Variants in EVC2 observed in about 807,000 individuals in gnomAD.
EVC2 encodes EvC ciliary complex subunit 2, also known as limbin.
In EVC2, 148 loss-of-function variants were observed where a neutral mutation model predicts 149.3. The observed-to-expected ratio is 0.99, with a 90% CI of 0.87 to 1.14. The LOEUF (loss-of-function observed/expected upper bound fraction) is 1.14. Among genes scored for constraint, EVC2 ranks in the 50% most tolerant of loss-of-function variants. EVC2 has a pLI of 0.00. For missense variants in EVC2, 1,854 were observed against 1,627.3 expected (o/e 1.14, Z -2.40); for synonymous variants, 776 against 649.9 (o/e 1.19, Z -2.95).
the EVC2 span, among the ~76,000 whole-genome samples, chr4:5,530,140 T>A: frequency 6.6e-6 from 1 of 152,176 alleles, no homozygotes; most frequent in African/African-American, 2.4e-5. Flanking sequence ...GGTCCATCAG[T>A]CGACATTAAC....
At chr4:5,689,368 G>C (rs368557949) in intron 4 of EVC2, 25 bp from the exon 5 acceptor site, 3 of 1,613,000 alleles carry the variant, frequency 1.9e-6, no homozygotes, top group Admixed American at 1.7e-5. Flanking sequence ...GAAGGCATGA[G>C]GGCAGATTTG....
At chr4:5,701,476 G>C (rs936881632) in intron 1 of EVC2, among the ~76,000 whole-genome samples, 1 of 152,082 alleles carries the variant, frequency 6.6e-6, no homozygotes, top group Admixed American at 6.5e-5. Flanking sequence ...TGACCTTCGG[G>C]TCACATTCCT....
rs1721499411 is a variant in EVC2 at position 5,696,708 on chromosome 4, G to A, written c.283+885C>T. 6.6e-6 allele frequency among the ~76,000 whole-genome samples: 1 copy of A among 152,184 alleles called. No individual in the cohort carries two copies. Among genetic ancestry groups the A allele is most frequent in the Non-Finnish European group, 1.5e-5 (1 of 68,036 alleles). On this transcript the variant is annotated intron_variant, in intron 2 of 21. Coordinates refer to ENST00000344408, the MANE Select transcript of EVC2 (RefSeq NM_147127.5). The surrounding 1 kb of genome is among the most constrained non-coding windows in gnomAD (Gnocchi z 4.1). The stretch of plus-strand genomic sequence containing the variant: ...GCCGTAGGAGCATTGAGAACCTTGT[G>A]CTCCTGGGTCCAGCAGTGCCAGGGC...
At chr4:5,690,216 C>G (rs895494819) in intron 4 of EVC2, among the ~76,000 whole-genome samples, 3 of 152,096 alleles carry the variant, frequency 2.0e-5, no homozygotes, top group African/African-American at 7.2e-5. Flanking sequence ...CTGATTGCAT[C>G]CAGGAAGGCA....
intron 1 of EVC2, among the ~76,000 whole-genome samples, chr4:5,703,025 T>C (rs187226430): frequency 3.2e-4 from 48 of 152,362 alleles, no homozygotes; most frequent in African/African-American, 1.2e-3. Context: ...CATATTACTA[T>C]GTATTGCCAT....
intron 21 of EVC2, among the ~76,000 whole-genome samples, chr4:5,550,362 C>A (rs370735934): frequency 6.6e-6 from 1 of 152,100 alleles, no homozygotes; most frequent in Non-Finnish European, 1.5e-5. Flanking sequence ...AGATGAGGAA[C>A]CTGTTGGGAA....
chr4:5,636,831 G>A lies in EVC2; in HGVS notation c.1470+3683C>T. Among the ~76,000 whole-genome samples, 1 of 152,154 alleles carries A rather than the reference G, an allele frequency of 6.6e-6. No homozygotes were observed. Among genetic ancestry groups the A allele is most frequent in the East Asian group, 1.9e-4 (1 of 5,196 alleles). ...ATTTTTATGTATTTTATTTAAAGAT[G>A]ACTATAACACATGATGGATAATTAT... On this transcript the variant is annotated intron_variant, in intron 10 of 21. Transcript: ENST00000344408. This position sits in a 1 kb window ranked among gnomAD's most constrained non-coding sequence, Gnocchi z 4.6.
At chr4:5,707,360 G>C (rs1722275297) in intron 1 of EVC2, among the ~76,000 whole-genome samples, 1 of 152,126 alleles carries the variant, frequency 6.6e-6, no homozygotes, top group Non-Finnish European at 1.5e-5. Context: ...AGAGAACACA[G>C]CAGGACACGA....
intron 16 of EVC2, among the ~76,000 whole-genome samples, chr4:5,594,508 G>C (rs1435893860): frequency 3.3e-5 from 5 of 152,192 alleles, no homozygotes; most frequent in Non-Finnish European, 1.5e-5. Context: ...CTGCAGCTGA[G>C]GGTCTTGTCT....
Position 5,622,679 on chromosome 4 carries a change from G to A in EVC2, c.2359C>T (p.Arg787Trp), listed in dbSNP as rs776830520. 1.2e-4 allele frequency: 201 copies of A among 1,613,932 alleles called. No homozygotes were observed. The highest frequency in any genetic ancestry group is 1.6e-4 in the Middle Eastern group (1 of 6,082). The part of the protein sequence containing the change: ...LEEHGKEMAA[R>W]AEQLEGEERD... Reference sequence around the variant, plus strand: ...TCCTCCCCCTCCAGCTGCTCGGCCCGTGCAGCCATCTCCTTGCCGTGCTCC... The same window carrying A: ...TCCTCCCCCTCCAGCTGCTCGGCCCATGCAGCCATCTCCTTGCCGTGCTCC... Residue 787 changes from arginine to tryptophan, a missense_variant, in exon 14 of 22, where the codon CGG becomes TGG. Arg to Trp is a moderately radical substitution (Grantham distance 101, BLOSUM62 -3). Transcript: ENST00000344408. This position sits in a 1 kb window ranked among gnomAD's most constrained non-coding sequence, Gnocchi z 5.8.
At position 5,556,052 on chromosome 4, in the gene EVC2, A is replaced by G. The variant is rs1721832182; in HGVS notation, c.3419+9206T>C. Reference sequence around the variant, plus strand: ...AAATTAGCCGGGCATGGTGGCAGGCATCTGTAATACCAGCTGCTTGGGAGG... The same window carrying G: ...AAATTAGCCGGGCATGGTGGCAGGCGTCTGTAATACCAGCTGCTTGGGAGG... On this transcript the variant is annotated intron_variant and NMD_transcript_variant, in intron 21 of 22. Transcript: ENST00000475313. Among the ~76,000 whole-genome samples, 15 of 151,994 alleles carry G rather than the reference A, an allele frequency of 9.9e-5. 1 individual carries two copies. In the South Asian group the frequency reaches 2.9e-3, roughly 30 times the overall value.
In EVC2 at chr4:5,620,198, T is replaced by C. The variant is rs374749699; in HGVS notation, c.2502-1516A>G. 5.3e-4 allele frequency among the ~76,000 whole-genome samples: 80 copies of C among 152,286 alleles called. 1 individual carries two copies. The highest frequency in any genetic ancestry group is 1.8e-3 in the African/African-American group (75 of 41,568). On this transcript the variant is annotated intron_variant, in intron 14 of 21. Transcript: ENST00000344408. ...CCTTTGGAAACTGCAGCAGCCCCCT[T>C]GCACCTTCCCTTGTGCAAGGCCTTT...
chr4:5,706,336 AG>A (rs1722140197), intron 1 of EVC2, among the ~76,000 whole-genome samples: 2 of 143,456 alleles, frequency 1.4e-5, no homozygotes, highest in Non-Finnish European at 3.0e-5. Context: ...ATAGATAGAT[AG>A]ATACATAGAT....
In EVC2 at chr4:5,569,708, G is replaced by C. The variant is rs917470598; in HGVS notation, c.3361-1068C>G. Among the ~76,000 whole-genome samples, 1 of 152,060 alleles carries C rather than the reference G, an allele frequency of 6.6e-6. No individual in the cohort carries two copies. The highest frequency in any genetic ancestry group is 2.4e-5 in the African/African-American group (1 of 41,394). On this transcript the variant is annotated intron_variant, in intron 19 of 21. Coordinates refer to ENST00000344408, the MANE Select transcript of EVC2 (RefSeq NM_147127.5). This position sits in a 1 kb window ranked among gnomAD's most constrained non-coding sequence, Gnocchi z 4.8. Reference sequence around the variant, plus strand: ...AGCCAAGGAGAGAACGTGTTCAGAAGGGTGGGCTGGGGGTTCAGAGACCAC... The same window carrying C: ...AGCCAAGGAGAGAACGTGTTCAGAACGGTGGGCTGGGGGTTCAGAGACCAC...
chr4:5,582,664 T>C (rs1032819105), intron 17 of EVC2, among the ~76,000 whole-genome samples: 2 of 152,180 alleles, frequency 1.3e-5, no homozygotes, highest in African/African-American at 4.8e-5. Context: ...CATGATTATA[T>C]TTTGAAATGT....
chr4:5,708,332 C>G lies in EVC2; in HGVS notation c.182G>C (p.Arg61Thr). The part of the protein sequence containing the change: ...QVAPRSGPGL[R>T]IPPGRSGAGP... ...CGCCCCGCTCCGCCCCGGAGGGATC[C>G]TCAGGCCGGGCCCAGACCTAGGAGC... The change falls in exon 1 of 22, where the codon AGG becomes ACG. Residue 61 changes from arginine to threonine, a missense_variant. Transcript: ENST00000344408. 1 of 1,472,006 alleles carries G rather than the reference C, an allele frequency of 6.8e-7. No homozygotes were observed. Among genetic ancestry groups the G allele is most frequent in the Non-Finnish European group, 8.9e-7 (1 of 1,117,632 alleles). The allele number at this position is 1,472,006 out of a possible 1,614,324, so 91.2% of individuals were successfully genotyped here. A position where few individuals can be genotyped will look rare whatever the true frequency, so the allele number is the denominator to read the frequency against.
At chr4:5,587,890 GC>G (rs1560142949) in intron 16 of EVC2, among the ~76,000 whole-genome samples, 2 of 152,096 alleles carry the variant, frequency 1.3e-5, no homozygotes, top group Non-Finnish European at 2.9e-5. Flanking sequence ...TAACTACCAG[GC>G]CCAGGGTGTG....
At chr4:5,627,399 G>A (rs1716190446) in intron 12 of EVC2, among the ~76,000 whole-genome samples, 1 of 152,196 alleles carries the variant, frequency 6.6e-6, no homozygotes, top group African/African-American at 2.4e-5. Context: ...TTAAAATCAG[G>A]AATGCGAAGT....
chr4:5,567,785 TTAGCATGAGGAGCCAGTAAAAA>T lies in EVC2; in HGVS notation c.3557+637_3557+658del, dbSNP rs545538339. ...AGTTACATGCTCTATGCTACACCCC[TTAGCATGAGGAGCCAGTAAAAA>T]TAATATCCACCTGTGCCACGTGTCA... is the stretch of plus-strand genomic sequence containing the variant. On this transcript the variant is annotated intron_variant, in intron 20 of 21. Transcript: ENST00000344408. The surrounding 1 kb of genome is among the most constrained non-coding windows in gnomAD (Gnocchi z 4.4). 1.5e-3 allele frequency among the ~76,000 whole-genome samples: 235 copies of T among 152,258 alleles called. No individual in the cohort carries two copies. Among genetic ancestry groups the T allele is most frequent in the African/African-American group, 5.6e-3 (233 of 41,526 alleles).
Sources: allele counts gnomAD v4.1 joint callset (sites outside exome capture counted in the v4.1 genomes callset), GRCh38; gene constraint gnomAD v4.1.1; non-coding constraint Gnocchi (gnomAD v3.1); transcripts MANE v1.5; gene names NCBI Gene and HGNC (gene_info 2026-07-23, HGNC 2026-07-21).